The following CTNNA2 variants were observed in gnomAD, a reference collection of about 807,000 sequenced individuals.
CTNNA2 encodes the protein catenin alpha 2.
In CTNNA2, 42 loss-of-function variants were observed where a neutral mutation model predicts 101.0. The ratio of observed to expected loss-of-function variants is 0.42; its 90% CI spans 0.32 to 0.54. CTNNA2 has a LOEUF of 0.54. Ranked by LOEUF, CTNNA2 falls within the 20% of genes least tolerant of loss-of-function variation. The pLI is 0.14. For missense variants in CTNNA2, 871 were observed against 1,223.1 expected (o/e 0.71, Z 4.29); for synonymous variants, 450 against 456.4 (o/e 0.99, Z 0.18).
intron 7 of CTNNA2, among the ~76,000 whole-genome samples, chr2:79,916,845 G>A (rs1289975387): frequency 4.6e-5 from 7 of 151,712 alleles, no homozygotes; most frequent in African/African-American, 1.2e-4. Context: ...GGATGGTCTC[G>A]ATCTCCTGAC....
intron 14 of CTNNA2, among the ~76,000 whole-genome samples, chr2:80,587,919 T>A (rs1696117205): frequency 6.6e-6 from 1 of 152,206 alleles, no homozygotes; most frequent in Non-Finnish European, 1.5e-5. Flanking sequence ...GCTACCTAAA[T>A]GGTGTTTAAC....
chr2:79,983,487 C>G (rs966960762), intron 7 of CTNNA2, among the ~76,000 whole-genome samples: 3 of 152,112 alleles, frequency 2.0e-5, no homozygotes, highest in African/African-American at 4.8e-5. Flanking sequence ...GCGTGCTTCT[C>G]TAAGAGAACT....
At chr2:79,214,390 A>G (rs186720730) in intron 2 of CTNNA2, among the ~76,000 whole-genome samples, 16 of 152,074 alleles carry the variant, frequency 1.1e-4, no homozygotes, top group African/African-American at 3.1e-4. Context: ...GAGTATAAAC[A>G]ATTTGGTTGA....
At chr2:79,511,270 C>A (rs1255575016), upstream of CTNNA2, among the ~76,000 whole-genome samples, 1 of 152,190 alleles carries the variant, frequency 6.6e-6, no homozygotes, top group Non-Finnish European at 1.5e-5. Flanking sequence ...CTTACCACAT[C>A]TTACCACATC....
intron 12 of CTNNA2, among the ~76,000 whole-genome samples, chr2:80,561,124 C>T (rs13431403): frequency 0.2 from 31,107 of 151,894 alleles, 3,296 homozygotes; most frequent in Middle Eastern, 0.24. Flanking sequence ...GAGTGACCTG[C>T]CTATCTCTCT....
At chr2:80,601,031 T>C (rs1330140961) in intron 15 of CTNNA2, among the ~76,000 whole-genome samples, 1 of 152,166 alleles carries the variant, frequency 6.6e-6, no homozygotes, top group Non-Finnish European at 1.5e-5. Flanking sequence ...AGCCCTGAAC[T>C]TTGTAGCATT....
chr2:79,367,861 G>A (rs1212966948), intron 3 of CTNNA2, among the ~76,000 whole-genome samples: 1 of 152,132 alleles, frequency 6.6e-6, no homozygotes, highest in African/African-American at 2.4e-5. Flanking sequence ...GGTGAGAGAG[G>A]TACCATTATT....
chr2:80,396,721 C>T (rs1192280909), intron 8 of CTNNA2, among the ~76,000 whole-genome samples: 1 of 152,140 alleles, frequency 6.6e-6, no homozygotes, highest in Non-Finnish European at 1.5e-5. Flanking sequence ...TAAATCAGCA[C>T]CCAAACATTT....
chr2:79,632,055 A>G (rs1487384576), intron 1 of CTNNA2, among the ~76,000 whole-genome samples: 9 of 152,196 alleles, frequency 5.9e-5, no homozygotes, highest in African/African-American at 1.7e-4. Context: ...TGATTGTGAA[A>G]CAGTCGCAGT....
intron 7 of CTNNA2, among the ~76,000 whole-genome samples, chr2:79,972,754 A>T (rs924542088): frequency 6.6e-6 from 1 of 152,198 alleles, no homozygotes; most frequent in African/African-American, 2.4e-5. Context: ...AAAATAGAGC[A>T]CATATTTTCA....
At chr2:79,589,981 A>C (rs544358746) in intron 1 of CTNNA2, among the ~76,000 whole-genome samples, 12 of 152,326 alleles carry the variant, frequency 7.9e-5, no homozygotes, top group African/African-American at 2.6e-4. Flanking sequence ...TGTTGATGAC[A>C]CTTTGTTTTC....
intron 7 of CTNNA2, among the ~76,000 whole-genome samples, chr2:80,369,323 A>G (rs567457813): frequency 6.6e-6 from 1 of 152,222 alleles, no homozygotes; most frequent in South Asian, 2.1e-4. Flanking sequence ...GGACTTCTTA[A>G]AGGGATAAAT....
At chr2:80,019,046 C>A (rs915306069) in intron 7 of CTNNA2, among the ~76,000 whole-genome samples, 19 of 152,126 alleles carry the variant, frequency 1.2e-4, no homozygotes, top group African/African-American at 4.3e-4. Flanking sequence ...TACAGTATAA[C>A]CACTATTTGC....
intron 9 of CTNNA2, among the ~76,000 whole-genome samples, chr2:80,485,625 G>A (rs1032934190): frequency 2.6e-5 from 4 of 152,108 alleles, no homozygotes; most frequent in Non-Finnish European, 4.4e-5. Flanking sequence ...TGGAAGCAAG[G>A]TTTTAACCTT....
At chr2:79,271,823 TCC>T (rs1675090515) in intron 2 of CTNNA2, among the ~76,000 whole-genome samples, 1 of 152,056 alleles carries the variant, frequency 6.6e-6, no homozygotes, top group Non-Finnish European at 1.5e-5. Flanking sequence ...TCAACATCTC[TCC>T]ATTACCCTTT....
chr2:79,808,711 A>G (rs988316165), intron 3 of CTNNA2, among the ~76,000 whole-genome samples: 1 of 151,944 alleles, frequency 6.6e-6, no homozygotes, highest in African/African-American at 2.4e-5. Flanking sequence ...TAGATTTTTA[A>G]TTTATTTTGA....
chr2:79,338,334 G>T (rs1677043785), intron 3 of CTNNA2, among the ~76,000 whole-genome samples: 1 of 151,848 alleles, frequency 6.6e-6, no homozygotes, highest in South Asian at 2.1e-4. Flanking sequence ...CAGAGGAAGA[G>T]AATTTGAGGC....
At chr2:80,606,766 T>C (rs1002538265) in intron 16 of CTNNA2, among the ~76,000 whole-genome samples, 1 of 151,962 alleles carries the variant, frequency 6.6e-6, no homozygotes, top group Non-Finnish European at 1.5e-5. Context: ...ATTTGAGATA[T>C]GCATGCCATA....
intron 2 of CTNNA2, among the ~76,000 whole-genome samples, chr2:79,698,402 CT>C (rs1470610979): frequency 6.6e-6 from 1 of 152,020 alleles, no homozygotes. Flanking sequence ...CGTTTCAATA[CT>C]TTCACTGTAT....
Sources: gnomAD v4.1 joint callset for allele counts (sites outside exome capture counted in the v4.1 genomes callset) on GRCh38, gnomAD v4.1.1 for gene constraint, MANE v1.5 for transcripts, NCBI Gene and HGNC (gene_info 2026-07-23, HGNC 2026-07-21) for gene names.